APOL4: variants seen among roughly 807,000 people sequenced by gnomAD.
The protein encoded by APOL4 is apolipoprotein L, 4.
A neutral mutation model predicts 12.1 loss-of-function variants in APOL4; 14 were observed. The observed-to-expected ratio is 1.16, with a 90% CI of 0.76 to 1.81. The LOEUF (loss-of-function observed/expected upper bound fraction) is 1.81. Among genes scored for constraint, APOL4 ranks in the 40% most tolerant of loss-of-function variants. The pLI, the probability that APOL4 is intolerant of heterozygous loss-of-function variation, is 0.00. For missense variants in APOL4, 432 were observed against 423.1 expected (o/e 1.02, Z -0.18); for synonymous variants, 171 against 160.6 (o/e 1.06, Z -0.49).
At chr22:36,202,799 A>G (rs1459180779), upstream of APOL4, among the ~76,000 whole-genome samples, 3 of 152,092 alleles carry the variant, frequency 2.0e-5, no homozygotes, top group Non-Finnish European at 4.4e-5. Flanking sequence ...TACCCCCCTG[A>G]TTTCATGGAC....
Position 36,191,502 on chromosome 22 carries a change from G to T in APOL4, c.620C>A (p.Thr207Asn), listed in dbSNP as rs915112917. Reference sequence around the variant, plus strand: ...TAATGCCTCCAATTGGTCAGTGCTGGTTGCAGTCAGCCTGCTGGCTGTGAG... The same window carrying T: ...TAATGCCTCCAATTGGTCAGTGCTGTTTGCAGTCAGCCTGCTGGCTGTGAG... ...AELTASRLTATSTDQLEALRD... is the reference protein window; with the variant it reads ...AELTASRLTANSTDQLEALRD... Residue 207 changes from threonine (T) to asparagine (N), a missense_variant, in exon 4 of 4, where the codon ACC becomes AAC. Transcript: ENST00000683024. 1 of 1,613,948 alleles carries T rather than the reference G, an allele frequency of 6.2e-7. No homozygotes were observed. The highest frequency in any genetic ancestry group is 1.7e-5 in the Admixed American group (1 of 60,010).
At position 36,195,403 on chromosome 22, in the gene APOL4, G is replaced by A. The variant is rs746315351; in HGVS notation, c.117C>T (p.Tyr39=). The change falls in exon 3 of 4, where the codon TAC becomes TAT. Residue 39 remains tyrosine (Y), a synonymous_variant. Transcript: ENST00000683024. ...GCACTGGGCTAACTTTCTTCTGGAA[G>A]TATTCAATGACTTCTTCAGTGAAGC... The part of the protein sequence containing the change: ...KKRFTEEVIE[Y]FQKKVSPVHL... The A allele has an allele frequency of 1.2e-6, 2 of 1,613,858 alleles. No homozygotes were observed. The highest frequency in any genetic ancestry group is 2.2e-5 in the South Asian group (2 of 91,092).
rs1028681952 is a variant in APOL4 at position 36,191,199 on chromosome 22, T to C, written c.923A>G (p.Asp308Gly). The C allele has an allele frequency of 9.9e-6, 16 of 1,613,814 alleles. No homozygotes were observed. Among genetic ancestry groups the C allele is most frequent in the Admixed American group, 1.7e-5 (1 of 60,004 alleles). The change falls in exon 4 of 4, where the codon GAC becomes GGC. Residue 308 changes from aspartate (D) to glycine (G), a missense_variant. Coordinates refer to ENST00000683024, the MANE Select transcript of APOL4 (RefSeq NM_001386885.1). ...VVLDVVNLVQ[D>G]SLDLHKGAKS... ...TGCCCCCTTGTGCAAGTCCAGTGAG[T>C]CTTGCACAAGGTTGACTACATCCAG...
At position 36,199,755 on chromosome 22, in the gene APOL4, C is replaced by T. The variant is rs561673844; in HGVS notation, c.36-379G>A. The T allele has an allele frequency of 1.3e-3, 1,322 of 1,019,158 alleles. 5 individuals are homozygous for T. Among genetic ancestry groups the T allele is most frequent in the Non-Finnish European group, 1.7e-3 (1,189 of 696,838 alleles). The allele number at this position is 1,019,158 out of a possible 1,614,324, so 63.1% of individuals were successfully genotyped here. On this transcript the variant is annotated intron_variant, in intron 1 of 3. Coordinates refer to ENST00000683024, the MANE Select transcript of APOL4 (RefSeq NM_001386885.1). ...TGTGTGACAACTAATTGATGATAGC[C>T]AGTCTGTATTGAGTGTCTGTGATGT...
chr22:36,200,529 T>C (rs545326271), intron 1 of APOL4, among the ~76,000 whole-genome samples: 37 of 152,366 alleles, frequency 2.4e-4, no homozygotes, highest in African/African-American at 8.2e-4. Context: ...GCTGCCCTGT[T>C]CCCTCTGCTG....
At chr22:36,201,611 AC>A in intron 1 of APOL4, 88 bp downstream of exon 1, 1 of 968,328 alleles carries the variant, frequency 1.0e-6, no homozygotes, top group Non-Finnish European at 1.4e-6. Flanking sequence ...GGCCAAGGCA[AC>A]CATCTCAACA....
upstream of APOL4, among the ~76,000 whole-genome samples, chr22:36,203,434 G>A (rs977261596): frequency 1.4e-4 from 22 of 152,274 alleles, no homozygotes; most frequent in African/African-American, 5.1e-4. Context: ...GAAGTACAGT[G>A]CATTTGTATG....
intron 2 of APOL4, chr22:36,197,901 C>A: frequency 1.4e-6 from 2 of 1,475,570 alleles, no homozygotes; most frequent in Admixed American, 4.8e-5. Context: ...TCTGACCCAC[C>A]TTTCACCCCA....
At chr22:36,199,694 A>G in intron 1 of APOL4, 3 of 1,516,006 alleles carry the variant, frequency 2.0e-6, no homozygotes, top group Non-Finnish European at 2.7e-6. Context: ...GCAGAAATAG[A>G]GATGGGAAGG....
chr22:36,196,313 C>T (rs1022148966), intron 2 of APOL4, among the ~76,000 whole-genome samples: 7 of 152,140 alleles, frequency 4.6e-5, no homozygotes, highest in Non-Finnish European at 1.0e-4. Flanking sequence ...TTGTAAGATA[C>T]TTGAAATATA....
chr22:36,193,134 C>T (rs929309367), intron 3 of APOL4, among the ~76,000 whole-genome samples: 1 of 152,126 alleles, frequency 6.6e-6, no homozygotes, highest in African/African-American at 2.4e-5. Context: ...ATTTGATAAG[C>T]GACTGTCTGA....
chr22:36,200,454 C>A (rs1242516126), intron 1 of APOL4, among the ~76,000 whole-genome samples: 1 of 152,226 alleles, frequency 6.6e-6, no homozygotes, highest in Non-Finnish European at 1.5e-5. Flanking sequence ...TCCTTTGTCC[C>A]ACAAAGACCT....
upstream of APOL4, chr22:36,204,596 G>GA (rs2014673394): frequency 9.8e-6 from 4 of 408,532 alleles, no homozygotes; most frequent in South Asian, 1.6e-4. Context: ...AGAATAAGGA[G>GA]ATGGAGGGAG....
intron 2 of APOL4, chr22:36,197,807 G>A: frequency 1.3e-6 from 2 of 1,549,760 alleles, no homozygotes; most frequent in Non-Finnish European, 1.7e-6. Flanking sequence ...GTAGGGACAG[G>A]GGGAGGGGAT....
intron 3 of APOL4, among the ~76,000 whole-genome samples, chr22:36,193,841 C>T (rs1420536662): frequency 6.6e-6 from 1 of 152,204 alleles, no homozygotes; most frequent in Non-Finnish European, 1.5e-5. Context: ...GCTATTAGTC[C>T]TGGCTGCACA....
chr22:36,202,065 G>C (rs759788802), upstream of APOL4: 3 of 1,613,872 alleles, frequency 1.9e-6, no homozygotes, highest in South Asian at 2.2e-5. Context: ...CCTTGGGCAG[G>C]AAAAGAGGGG....
At position 36,191,579 on chromosome 22, in the gene APOL4, C is replaced by T. The variant is rs72487618; in HGVS notation, c.543G>A (p.Thr181=). ...AGVGLGIASA[T]AGIASSIVEN... is the part of the protein sequence containing the mutation. ...CCACGATGCTGGAGGCGATCCCAGC[C>T]GTGGCAGATGCTATTCCCAGCCCTA... Residue 181 remains threonine, a synonymous_variant, in exon 4 of 4, where the codon ACG becomes ACA. Coordinates refer to ENST00000683024, the MANE Select transcript of APOL4 (RefSeq NM_001386885.1). 2.1e-3 allele frequency: 3,451 copies of T among 1,613,652 alleles called. 105 individuals are homozygous for T. In the East Asian group the frequency reaches 0.062, roughly 29 times the overall value.
rs1389404905 is a variant in APOL4, at chr22:36,200,958, A to AT, written c.35+741dup. On this transcript the variant is annotated intron_variant, in intron 1 of 3. Coordinates refer to ENST00000683024, the MANE Select transcript of APOL4 (RefSeq NM_001386885.1). ...AAGGAGAAGGAGGATTAATATTGTC[A>AT]TTTTTTAAAGATGGAAGTTAAGAAA... 1.4e-4 allele frequency among the ~76,000 whole-genome samples: 22 copies of AT among 152,328 alleles called. No homozygotes were observed. In the South Asian group the frequency reaches 1.7e-3, roughly 11 times the overall value.
rs2014198452 is a variant in APOL4, at chr22:36,189,965, G to C, written c.*1110C>G. Reference sequence around the variant, plus strand: ...GCCTGTGTCTGGCTCACCTTCCCTGGTGGCTGCACTGCTCTGGGGTCATTG... The same window carrying C: ...GCCTGTGTCTGGCTCACCTTCCCTGCTGGCTGCACTGCTCTGGGGTCATTG... On this transcript the variant is annotated 3_prime_UTR_variant, in exon 4 of 4. Transcript: ENST00000683024. 4.8e-6 allele frequency: 1 copy of C among 210,096 alleles called. No homozygotes were observed. Among genetic ancestry groups the C allele is most frequent in the Non-Finnish European group, 1.0e-5 (1 of 98,956 alleles). 13.0% of individuals were successfully genotyped at this position (210,096 alleles called of 1,614,324 possible).
Sources: gnomAD v4.1 joint callset for allele counts (sites outside exome capture counted in the v4.1 genomes callset) on GRCh38, gnomAD v4.1.1 for gene constraint, MANE v1.5 for transcripts, NCBI Gene and HGNC (gene_info 2026-07-23, HGNC 2026-07-21) for gene names.